IMMP2L: variants seen among roughly 807,000 people sequenced by gnomAD.
The protein encoded by IMMP2L is inner mitochondrial membrane peptidase subunit 2, also known as mitochondrial inner membrane protease subunit 2.
IMMP2L carries 18 observed loss-of-function variants against 19.3 expected under a neutral mutation model. That is an observed-to-expected ratio of 0.93 (90% CI 0.64 to 1.38). The LOEUF (loss-of-function observed/expected upper bound fraction) is 1.38. Ranked by LOEUF, IMMP2L falls within the 40% of genes most tolerant of loss-of-function variation. The pLI is 0.00. For synonymous variants in IMMP2L, 76 were observed against 73.0 expected (o/e 1.04, Z -0.21); for missense variants, 233 against 218.2 (o/e 1.07, Z -0.43).
chr7:111,470,495 T>C (rs1452013700), intron 3 of IMMP2L, among the ~76,000 whole-genome samples: 2 of 151,728 alleles, frequency 1.3e-5, no homozygotes, highest in African/African-American at 2.4e-5. Context: ...AGTGATAGAC[T>C]AGATTAAGAA....
intron 3 of IMMP2L, among the ~76,000 whole-genome samples, chr7:110,984,508 G>C (rs1329810697): frequency 6.6e-6 from 1 of 152,036 alleles, no homozygotes; most frequent in African/African-American, 2.4e-5. Flanking sequence ...GGTAAAACCA[G>C]TACTAAGCAG....
chr7:111,050,521 TAA>T, intron 3 of IMMP2L, among the ~76,000 whole-genome samples: 1 of 152,238 alleles, frequency 6.6e-6, no homozygotes, highest in Non-Finnish European at 1.5e-5. Context: ...TTAGGTATGT[TAA>T]TGTTAAATGG....
chr7:111,190,583 G>A (rs530523579), intron 3 of IMMP2L, among the ~76,000 whole-genome samples: 2 of 152,080 alleles, frequency 1.3e-5, no homozygotes, highest in Non-Finnish European at 2.9e-5. Context: ...AAGAGTGAAA[G>A]TTGGTGTCTG....
intron 3 of IMMP2L, among the ~76,000 whole-genome samples, chr7:111,238,608 G>GA (rs1814622947): frequency 6.6e-6 from 1 of 151,826 alleles, no homozygotes; most frequent in Non-Finnish European, 1.5e-5. Context: ...CACAAATAAT[G>GA]AAAAAGAAAG....
At chr7:110,810,093 A>G (rs1013110046) in intron 5 of IMMP2L, among the ~76,000 whole-genome samples, 2 of 152,072 alleles carry the variant, frequency 1.3e-5, no homozygotes, top group African/African-American at 4.8e-5. Flanking sequence ...GCCGGCTTCC[A>G]TCTCGTTCCC....
chr7:111,120,259 C>A (rs1800431037), intron 3 of IMMP2L, among the ~76,000 whole-genome samples: 1 of 152,002 alleles, frequency 6.6e-6, no homozygotes, highest in Non-Finnish European at 1.5e-5. Context: ...GAGTAATTTA[C>A]AAAGAAAAAG....
In IMMP2L at chr7:111,281,258, AAAGAG is replaced by A. The variant is rs1363967047; in HGVS notation, c.239+205975_239+205979del. ...AAAGAAAGAAAGAAGAGAGAGAGAGAAAGAGAGAGAGAAAGAAAGAGAAGGAAAGA... is the reference window on the plus strand; with the variant it reads ...AAAGAAAGAAAGAAGAGAGAGAGAGAAGAGAGAAAGAAAGAGAAGGAAAGA... On this transcript the variant is annotated intron_variant, in intron 3 of 5. Coordinates refer to ENST00000405709, the MANE Select transcript of IMMP2L (RefSeq NM_032549.4). 1.2e-4 allele frequency among the ~76,000 whole-genome samples: 17 copies of A among 137,698 alleles called. 1 individual carries two copies. The highest frequency in any genetic ancestry group is 1.9e-4 in the Non-Finnish European group (12 of 64,372). 90.3% of individuals were successfully genotyped at this position (137,698 alleles called of 152,430 possible). A position where few individuals can be genotyped will look rare whatever the true frequency, so the allele number is the denominator to read the frequency against.
intron 3 of IMMP2L, chr7:111,411,628 C>A: frequency 7.2e-6 from 2 of 277,868 alleles, no homozygotes; most frequent in Non-Finnish European, 7.2e-6. Flanking sequence ...ACAAAATCAA[C>A]CCTGAGTGTA....
chr7:110,980,704 C>T (rs2129557995), intron 3 of IMMP2L, among the ~76,000 whole-genome samples: 1 of 152,094 alleles, frequency 6.6e-6, no homozygotes, highest in South Asian at 2.1e-4. Flanking sequence ...TTCATTCCAC[C>T]AATATAAATT....
At chr7:110,982,409 A>G (rs1022135133) in intron 3 of IMMP2L, among the ~76,000 whole-genome samples, 1 of 152,288 alleles carries the variant, frequency 6.6e-6, no homozygotes, top group African/African-American at 2.4e-5. Flanking sequence ...AGCTGAGTCC[A>G]TATTGCATAA....
intron 3 of IMMP2L, among the ~76,000 whole-genome samples, chr7:111,101,852 A>G (rs1401552694): frequency 6.6e-6 from 1 of 151,480 alleles, no homozygotes; most frequent in Non-Finnish European, 1.5e-5. Context: ...CTAAAAAGGT[A>G]TACCATCCAC....
intron 3 of IMMP2L, among the ~76,000 whole-genome samples, chr7:111,241,991 T>A (rs1014210802): frequency 6.6e-6 from 1 of 152,036 alleles, no homozygotes; most frequent in Non-Finnish European, 1.5e-5. Flanking sequence ...GACCCAACCA[T>A]GGAAAATGCC....
At chr7:111,078,211 C>G (rs1028350190) in intron 3 of IMMP2L, among the ~76,000 whole-genome samples, 3 of 152,142 alleles carry the variant, frequency 2.0e-5, no homozygotes, top group African/African-American at 7.2e-5. Flanking sequence ...AAAACCTGGA[C>G]AGTTGTTCAA....
chr7:111,253,657 G>C (rs1454729770), intron 3 of IMMP2L, among the ~76,000 whole-genome samples: 1 of 152,134 alleles, frequency 6.6e-6, no homozygotes, highest in East Asian at 1.9e-4. Context: ...GTGTGTTGCA[G>C]AAAGAACATG....
intron 3 of IMMP2L, among the ~76,000 whole-genome samples, chr7:111,421,035 CATTCCTATTTCTCCACA>C (rs1372307598): frequency 6.6e-6 from 1 of 151,788 alleles, no homozygotes; most frequent in Non-Finnish European, 1.5e-5. Context: ...AGTGTAAAAG[CATTCCTATTTCTCCACA>C]TCCTCTCCAG....
At chr7:110,734,754 G>T (rs1796506462) in intron 5 of IMMP2L, among the ~76,000 whole-genome samples, 2 of 151,980 alleles carry the variant, frequency 1.3e-5, no homozygotes, top group Admixed American at 6.6e-5. Context: ...CAAAAAACCA[G>T]CCTAAAAAAT....
At chr7:110,684,753 T>G (rs1037462923) in intron 5 of IMMP2L, among the ~76,000 whole-genome samples, 1 of 152,068 alleles carries the variant, frequency 6.6e-6, no homozygotes, top group South Asian at 2.1e-4. Context: ...GTGCATGTTC[T>G]GTGCCCTCTC....
chr7:111,190,181 T>C (rs1376916252), intron 3 of IMMP2L, among the ~76,000 whole-genome samples: 1 of 152,128 alleles, frequency 6.6e-6, no homozygotes, highest in African/African-American at 2.4e-5. Flanking sequence ...AGGTATATGC[T>C]TTATCATTTC....
chr7:111,124,305 C>G (rs1377765469), intron 3 of IMMP2L: 10 of 1,613,634 alleles, frequency 6.2e-6, no homozygotes, highest in African/African-American at 2.7e-5. Context: ...CTGTTATGAT[C>G]AAAGTGGATG....
Sources: gnomAD v4.1 joint callset for allele counts (sites outside exome capture counted in the v4.1 genomes callset) on GRCh38, gnomAD v4.1.1 for gene constraint, MANE v1.5 for transcripts, NCBI Gene and HGNC (gene_info 2026-07-23, HGNC 2026-07-21) for gene names.